The following PCSK6 variants were observed in gnomAD, a reference collection of about 807,000 sequenced individuals.
PCSK6 encodes proprotein convertase subtilisin/kexin type 6.
Under a neutral mutation model 123.3 loss-of-function variants are expected in PCSK6, and 85 were observed. The ratio of observed to expected loss-of-function variants is 0.69; its 90% CI spans 0.58 to 0.83. PCSK6 has a LOEUF of 0.83. PCSK6 is among the 40% of genes least tolerant of loss of function. PCSK6 has a pLI of 0.00. For missense variants in PCSK6, 1,191 were observed against 1,282.3 expected (o/e 0.93, Z 1.09); for synonymous variants, 508 against 516.0 (o/e 0.98, Z 0.21).
chr15:101,326,813 G>A (rs1014835504), intron 15 of PCSK6, among the ~76,000 whole-genome samples: 3 of 152,220 alleles, frequency 2.0e-5, no homozygotes, highest in African/African-American at 7.2e-5. Flanking sequence ...GGAGAGGCTG[G>A]AACAGCTGTT....
intron 1 of PCSK6, among the ~76,000 whole-genome samples, chr15:101,460,283 G>A (rs2057311820): frequency 1.3e-5 from 2 of 152,066 alleles, no homozygotes; most frequent in East Asian, 3.9e-4. Context: ...CCCTGCCCCA[G>A]CCTTTTCCTG....
At chr15:101,436,624 C>A (rs1315678536) in intron 2 of PCSK6, among the ~76,000 whole-genome samples, 4 of 152,172 alleles carry the variant, frequency 2.6e-5, no homozygotes, top group Admixed American at 6.5e-5. Flanking sequence ...ACAATCAGGG[C>A]ACCGTAGAAA....
At chr15:101,362,967 C>T (rs973804324) in intron 13 of PCSK6, among the ~76,000 whole-genome samples, 1 of 152,138 alleles carries the variant, frequency 6.6e-6, no homozygotes, top group Admixed American at 6.5e-5. Context: ...CGGTGGGGGA[C>T]CCTGACGAGC....
intron 1 of PCSK6, among the ~76,000 whole-genome samples, chr15:101,487,385 G>A (rs987876155): frequency 6.6e-6 from 1 of 152,246 alleles, no homozygotes; most frequent in African/African-American, 2.4e-5. Flanking sequence ...CCTGGGTACG[G>A]AGTGTGCATC....
chr15:101,409,534 G>A (rs915940192), intron 6 of PCSK6, among the ~76,000 whole-genome samples: 4 of 147,932 alleles, frequency 2.7e-5, no homozygotes, highest in Middle Eastern at 7.5e-3. Context: ...GCAGTGAGCC[G>A]AGATCGTGCC....
At chr15:101,309,727 G>A (rs2039809282) in intron 20 of PCSK6, among the ~76,000 whole-genome samples, 1 of 152,232 alleles carries the variant, frequency 6.6e-6, no homozygotes, top group African/African-American at 2.4e-5. Context: ...GCCAGGGCAT[G>A]AGGAGTTTGC....
chr15:101,436,370 AC>A (rs1306906503), intron 2 of PCSK6, among the ~76,000 whole-genome samples: 1 of 152,208 alleles, frequency 6.6e-6, no homozygotes, highest in African/African-American at 2.4e-5. Context: ...GGCTGCGGAC[AC>A]CAGGTTCACA....
chr15:101,444,157 C>G (rs2056828496), intron 1 of PCSK6, among the ~76,000 whole-genome samples: 2 of 152,168 alleles, frequency 1.3e-5, no homozygotes, highest in South Asian at 4.1e-4. Flanking sequence ...ATGGATCCAT[C>G]TGCTTGGGGA....
chr15:101,430,132 G>A (rs978290426), intron 4 of PCSK6, 69 bp from the exon 5 acceptor site: 57 of 1,228,676 alleles, frequency 4.6e-5, no homozygotes, highest in East Asian at 7.0e-5. Flanking sequence ...TGGATTTTAT[G>A]TTCCGTTGGC....
intron 13 of PCSK6, among the ~76,000 whole-genome samples, chr15:101,353,054 C>T (rs529800721): frequency 1.3e-5 from 2 of 152,306 alleles, no homozygotes; most frequent in African/African-American, 4.8e-5. Flanking sequence ...CGGGGTGATT[C>T]AAGCACATGA....
At chr15:101,471,418 T>TA (rs1243733008) in intron 1 of PCSK6, among the ~76,000 whole-genome samples, 1 of 152,284 alleles carries the variant, frequency 6.6e-6, no homozygotes, top group Admixed American at 6.5e-5. Context: ...GAATGAATTG[T>TA]ATGGCAGACA....
At chr15:101,421,237 C>T (rs188832562) in intron 6 of PCSK6, among the ~76,000 whole-genome samples, 119 of 152,318 alleles carry the variant, frequency 7.8e-4, no homozygotes, top group Admixed American at 2.6e-3. Context: ...TGAGCCACCA[C>T]GCCTGGCTAT....
intron 13 of PCSK6, chr15:101,364,841 T>G: frequency 1.8e-6 from 1 of 559,124 alleles, no homozygotes; most frequent in African/African-American, 1.8e-5. Flanking sequence ...GGACCCAAAA[T>G]AGCCAAAACA....
At chr15:101,449,790 A>G (rs2056986233) in intron 1 of PCSK6, among the ~76,000 whole-genome samples, 1 of 152,140 alleles carries the variant, frequency 6.6e-6, no homozygotes, top group Non-Finnish European at 1.5e-5. Context: ...AGACAGGCCC[A>G]GAAGGCTGTT....
At chr15:101,334,702 G>A (rs1288692231) in intron 13 of PCSK6, among the ~76,000 whole-genome samples, 1 of 152,152 alleles carries the variant, frequency 6.6e-6, no homozygotes, top group East Asian at 1.9e-4. Flanking sequence ...AATTATAGAG[G>A]ATGTCTCCAA....
Position 101,428,635 on chromosome 15 carries a change from C to T in PCSK6, c.735-655G>A, listed in dbSNP as rs187738780. 1.5e-3 allele frequency among the ~76,000 whole-genome samples: 228 copies of T among 152,330 alleles called. 2 individuals carry two copies. Among genetic ancestry groups the T allele is most frequent in the African/African-American group, 4.8e-3 (200 of 41,564 alleles). ...GACCCCATTCTCTGATGTGCCACGTCGGGTCAGTTCCTCCAGCGGGGGCCA... is the reference window on the plus strand; with the variant it reads ...GACCCCATTCTCTGATGTGCCACGTTGGGTCAGTTCCTCCAGCGGGGGCCA... On this transcript the variant is annotated intron_variant, in intron 5 of 21. Coordinates refer to ENST00000611716, the MANE Select transcript of PCSK6 (RefSeq NM_002570.5).
chr15:101,467,210 C>A (rs1260467236), intron 1 of PCSK6, among the ~76,000 whole-genome samples: 5 of 152,056 alleles, frequency 3.3e-5, no homozygotes, highest in African/African-American at 1.2e-4. Flanking sequence ...TAGGCACACA[C>A]CCCAAAGAAA....
At chr15:101,309,632 T>A (rs1176086333) in intron 20 of PCSK6, among the ~76,000 whole-genome samples, 1 of 152,206 alleles carries the variant, frequency 6.6e-6, no homozygotes, top group Non-Finnish European at 1.5e-5. Flanking sequence ...GGACGCAGCA[T>A]GCGCATTGGC....
At chr15:101,419,700 G>A (rs1319836971) in intron 6 of PCSK6, among the ~76,000 whole-genome samples, 1 of 36,386 alleles carries the variant, frequency 2.7e-5, no homozygotes, top group Non-Finnish European at 5.6e-5. Flanking sequence ...CTCCTAAACT[G>A]ACTGTAATAA....
Sources: gnomAD v4.1 joint callset for allele counts (sites outside exome capture counted in the v4.1 genomes callset) on GRCh38, gnomAD v4.1.1 for gene constraint, MANE v1.5 for transcripts, NCBI Gene and HGNC (gene_info 2026-07-23, HGNC 2026-07-21) for gene names.